Variants in OPTN observed in about 807,000 individuals in gnomAD.
The protein encoded by OPTN is E3-14.7K-interacting protein.
A neutral mutation model predicts 70.4 loss-of-function variants in OPTN; 54 were observed. The observed-to-expected ratio is 0.77, with a 90% CI of 0.62 to 0.96. The LOEUF is 0.96. OPTN is among the 40% of genes least tolerant of loss of function. The pLI is 0.00. For synonymous variants in OPTN, 256 were observed against 248.5 expected (o/e 1.03, Z -0.28); for missense variants, 624 against 673.2 (o/e 0.93, Z 0.81).
chr10:13,104,947 C>T (rs370356468), intron 1 of OPTN, among the ~76,000 whole-genome samples: 9 of 151,372 alleles, frequency 5.9e-5, no homozygotes, highest in Admixed American at 1.3e-4. Flanking sequence ...ACTACGCCGA[C>T]GTGCGAGCTC....
At chr10:13,133,384 G>A in intron 13 of OPTN, 118 bp from the exon 14 acceptor site, 1 of 826,800 alleles carries the variant, frequency 1.2e-6, no homozygotes, top group Non-Finnish European at 2.0e-6. Context: ...TGGTTTTTAT[G>A]AACCTTGGCA....
intron 6 of OPTN, among the ~76,000 whole-genome samples, chr10:13,117,667 G>A (rs1024311011): frequency 1.5e-4 from 22 of 150,116 alleles, no homozygotes; most frequent in Non-Finnish European, 3.0e-4. Context: ...GGCTGGTCTC[G>A]AACTCCTGAC....
chr10:13,132,576 G>A (rs1163496531), intron 13 of OPTN, among the ~76,000 whole-genome samples: 1 of 151,932 alleles, frequency 6.6e-6, no homozygotes, highest in Non-Finnish European at 1.5e-5. Flanking sequence ...GAGTGCAGTG[G>A]CATGATCATG....
chr10:13,120,229 C>G (rs1833316028), intron 7 of OPTN, among the ~76,000 whole-genome samples: 1 of 151,828 alleles, frequency 6.6e-6, no homozygotes, highest in Non-Finnish European at 1.5e-5. Flanking sequence ...ACCTCGTGAT[C>G]TGCCCGCCTC....
chr10:13,135,348 C>A (rs1833677923), intron 14 of OPTN, among the ~76,000 whole-genome samples: 1 of 152,024 alleles, frequency 6.6e-6, no homozygotes, highest in Non-Finnish European at 1.5e-5. Context: ...CAGTACTACT[C>A]CAAAACTGGG....
In OPTN at chr10:13,118,901, T is replaced by G; in HGVS notation, c.640T>G (p.Tyr214Asp). Residue 214 changes from tyrosine to aspartate, a missense_variant, in exon 7 of 15, where the codon TAT becomes GAT. Tyr to Asp is a radical substitution (Grantham distance 160). Coordinates refer to ENST00000378747, the MANE Select transcript of OPTN (RefSeq NM_001008212.2). ...TATACTGAACAGGGCATTGTCTAAATATAGGAGCAGATCTGCAGATGGGGC... is the reference window on the plus strand; with the variant it reads ...TATACTGAACAGGGCATTGTCTAAAGATAGGAGCAGATCTGCAGATGGGGC... ...TVSTGTALSKYRSRSADGAKN... is the reference protein window; with the variant it reads ...TVSTGTALSKDRSRSADGAKN... The G allele has an allele frequency of 3.1e-6, 5 of 1,614,090 alleles. No homozygotes were observed. Among genetic ancestry groups the G allele is most frequent in the Non-Finnish European group, 4.2e-6 (5 of 1,179,980 alleles).
Position 13,109,236 on chromosome 10 carries a change from G to A in OPTN, c.114G>A (p.Glu38=), listed in dbSNP as rs1177703507. The A allele has an allele frequency of 2.5e-6, 4 of 1,614,042 alleles. No homozygotes were observed. Among genetic ancestry groups the A allele is most frequent in the South Asian group, 2.2e-5 (2 of 91,070 alleles). The part of the protein sequence containing the change: ...AHPNLDTFTP[E]ELLQQMKELL... ...CAAACCTGGACACGTTTACCCCGGAGGAGCTGCTGCAGCAGATGAAAGAGC... is the reference window on the plus strand; with the variant it reads ...CAAACCTGGACACGTTTACCCCGGAAGAGCTGCTGCAGCAGATGAAAGAGC... Residue 38 remains glutamate, a synonymous_variant, in exon 3 of 15, where the codon GAG becomes GAA. Transcript: ENST00000378747.
intron 2 of OPTN, chr10:13,108,826 G>A (rs1278112789): frequency 2.6e-5 from 10 of 383,262 alleles, no homozygotes; most frequent in South Asian, 4.4e-5. Context: ...GATTACAGGC[G>A]TGAGCCACCA....
At position 13,132,184 on chromosome 10, in the gene OPTN, G is replaced by A. The variant is rs548670821; in HGVS notation, c.1519G>A (p.Glu507Lys). The A allele has an allele frequency of 5.0e-6, 8 of 1,612,676 alleles. No individual in the cohort carries two copies. The highest frequency in any genetic ancestry group is 2.7e-5 in the African/African-American group (2 of 74,990). Residue 507 changes from glutamate (E) to lysine (K), a missense_variant, in exon 13 of 15, where the codon GAA becomes AAA. Physicochemically the swap from Glu to Lys is moderately conservative, Grantham distance 56. Transcript: ENST00000378747. ...AVLLKENDAFEDGGRQSLMEM... is the reference protein window; with the variant it reads ...AVLLKENDAFKDGGRQSLMEM... ...TCTGCTGAAAGAGAATGATGCTTTC[G>A]AAGACGGAGGCAGGTAAGGAAAAGA... is the stretch of plus-strand genomic sequence containing the variant.
At chr10:13,100,127 G>A (rs553169923), upstream of OPTN, 1 of 152,694 alleles carries the variant, frequency 6.5e-6, no homozygotes, top group East Asian at 1.9e-4. Flanking sequence ...CGCGCTGGGC[G>A]GGGTCGCCAG....
chr10:13,127,783 T>C lies in OPTN; in HGVS notation c.1281T>C (p.Ser427=). The part of the protein sequence containing the change: ...KVDRAVLKEL[S]EKLELAEKAL... Reference sequence around the variant, plus strand: ...ACAGGGCAGTGCTGAAGGAACTGAGTGAAAAACTGGAACTGGCAGAGAAGG... The same window carrying C: ...ACAGGGCAGTGCTGAAGGAACTGAGCGAAAAACTGGAACTGGCAGAGAAGG... The change falls in exon 12 of 15, where the codon AGT becomes AGC. Residue 427 remains serine, a synonymous_variant. Transcript: ENST00000378747. The C allele has an allele frequency of 6.2e-7, 1 of 1,614,080 alleles. No individual in the cohort carries two copies. The highest frequency in any genetic ancestry group is 8.5e-7 in the Non-Finnish European group (1 of 1,179,994).
intron 7 of OPTN, among the ~76,000 whole-genome samples, chr10:13,120,312 C>G (rs773726346): frequency 1.3e-5 from 2 of 152,174 alleles, no homozygotes; most frequent in Non-Finnish European, 2.9e-5. Context: ...TTCTCCCATT[C>G]TGTGGATCGT....
At chr10:13,124,676 T>C (rs1833421821) in intron 9 of OPTN, among the ~76,000 whole-genome samples, 2 of 152,310 alleles carry the variant, frequency 1.3e-5, no homozygotes, top group South Asian at 4.1e-4. Context: ...GGTGTGTGTG[T>C]TTTCTTGAGG....
At chr10:13,127,666 A>G in intron 11 of OPTN, 79 bp from the exon 12 acceptor site, 1 of 1,488,646 alleles carries the variant, frequency 6.7e-7, no homozygotes. Flanking sequence ...AATTAAAAAA[A>G]TAAACCTTTT....
intron 1 of OPTN, among the ~76,000 whole-genome samples, chr10:13,105,158 C>T (rs1246078908): frequency 6.6e-6 from 1 of 152,000 alleles, no homozygotes; most frequent in African/African-American, 2.4e-5. Flanking sequence ...TTATATTTAC[C>T]GTTTATGCTA....
rs11258211 is a variant in OPTN at position 13,116,364 on chromosome 10, G to A, written c.626+24G>A. The A allele has an allele frequency of 0.015, 24,439 of 1,587,480 alleles. 803 individuals are homozygous for A. Among genetic ancestry groups the A allele is most frequent in the East Asian group, 0.093 (4,147 of 44,708 alleles). ...ACGTATGTGAAGGAAGACTCGGGCT[G>A]TCAGGCAGACAGGCTGGGCAGGCTC... On this transcript the variant is annotated intron_variant, in intron 6 of 14. Coordinates refer to ENST00000378747, the MANE Select transcript of OPTN (RefSeq NM_001008212.2).
intron 14 of OPTN, among the ~76,000 whole-genome samples, chr10:13,133,895 A>G (rs1395403772): frequency 1.3e-5 from 2 of 151,754 alleles, no homozygotes; most frequent in African/African-American, 2.4e-5. Context: ...TGCAACCTCC[A>G]CTTCCTGTGT....
At chr10:13,112,005 G>A (rs553729717) in intron 4 of OPTN, among the ~76,000 whole-genome samples, 13 of 151,312 alleles carry the variant, frequency 8.6e-5, no homozygotes, top group East Asian at 7.9e-4. Context: ...CCGCCACCAC[G>A]CCCAGCTAAT....
At chr10:13,102,033 C>T (rs10906301) in intron 1 of OPTN, among the ~76,000 whole-genome samples, 58,031 of 151,978 alleles carry the variant, frequency 0.38, 12,407 homozygotes, top group Middle Eastern at 0.53. Flanking sequence ...TCAGAATGGG[C>T]GGAGGAGGTG....
Sources: gnomAD v4.1 joint callset for allele counts (sites outside exome capture counted in the v4.1 genomes callset) on GRCh38, gnomAD v4.1.1 for gene constraint, MANE v1.5 for transcripts, NCBI Gene and HGNC (gene_info 2026-07-23, HGNC 2026-07-21) for gene names.